Variants in RP1 observed in about 807,000 individuals in gnomAD.
The protein encoded by RP1 is oxygen-regulated protein 1.
RP1 carries 16 observed loss-of-function variants against 14.8 expected under a neutral mutation model. The observed-to-expected ratio is 1.08, with a 90% CI of 0.73 to 1.65. The LOEUF is 1.65. Among genes scored for constraint, RP1 ranks in the 40% most tolerant of loss-of-function variants. The pLI, the probability that RP1 is intolerant of heterozygous loss-of-function variation, is 0.00. For synonymous variants in RP1, 876 were observed against 883.6 expected, an observed-to-expected ratio of 0.99 and a Z score of 0.15; for missense variants, 2,631 against 2,535.0, an observed-to-expected ratio of 1.04 and a Z score of -0.81.
At chr8:54,663,561 T>G (rs569011276) in intron 6 of RP1, 4 of 729,392 alleles carry the variant, frequency 5.5e-6, no homozygotes, top group South Asian at 6.2e-5. Context: ...TATATAGAAT[T>G]TTTTACTGCC....
intron 27 of RP1, among the ~76,000 whole-genome samples, chr8:54,859,789 T>C (rs1326330137): frequency 6.6e-6 from 1 of 152,198 alleles, no homozygotes; most frequent in Non-Finnish European, 1.5e-5. Flanking sequence ...TGTGATTTCC[T>C]GCTTTTGCCC....
At chr8:54,776,978 G>A (rs748672107) in intron 23 of RP1, among the ~76,000 whole-genome samples, 3 of 152,150 alleles carry the variant, frequency 2.0e-5, no homozygotes, top group Admixed American at 6.5e-5. Flanking sequence ...GCTGCTCAGC[G>A]GCTGCTGAGT....
chr8:54,859,008 G>C (rs929363371), intron 27 of RP1, among the ~76,000 whole-genome samples: 2 of 151,970 alleles, frequency 1.3e-5, no homozygotes, highest in African/African-American at 4.8e-5. Context: ...ACTGTAGACT[G>C]GTGTCACTGT....
intron 24 of RP1, among the ~76,000 whole-genome samples, chr8:54,836,258 A>G (rs1811653712): frequency 1.3e-5 from 2 of 152,208 alleles, no homozygotes; most frequent in Admixed American, 1.3e-4. Context: ...ATGAAATATC[A>G]GAAGGCAGAT....
chr8:54,568,292 AG>A (rs1308038292), intron 1 of RP1, among the ~76,000 whole-genome samples: 1 of 152,222 alleles, frequency 6.6e-6, no homozygotes, highest in Non-Finnish European at 1.5e-5. Flanking sequence ...TAGGGAAAAA[AG>A]TCAGAATCTT....
intron 1 of RP1, among the ~76,000 whole-genome samples, chr8:54,591,693 T>C (rs1224120979): frequency 1.3e-5 from 2 of 152,050 alleles, no homozygotes; most frequent in East Asian, 1.9e-4. Flanking sequence ...TCACAATCCT[T>C]TGGGTGGGCC....
At position 54,626,497 on chromosome 8, in the gene RP1, G is replaced by A. The variant is rs444772; in HGVS notation, c.2615G>A (p.Arg872His). Residue 872 changes from arginine (R) to histidine (H), a missense_variant, in exon 4 of 4, where the codon CGT becomes CAT. By Grantham distance (29) the Arg-to-His change is conservative (BLOSUM62 0). Transcript: ENST00000220676. ...ATAACTTTAAAAAGCCAGAAAAAAC[G>A]TAAAGGGGATAAAGTGAAAGCAAGT... ...SHITLKSQKK[R>H]KGDKVKASAI... 0.27 allele frequency: 434,480 copies of A among 1,613,004 alleles called. 60,244 individuals are homozygous for A. Among genetic ancestry groups the A allele is most frequent in the East Asian group, 0.41 (18,213 of 44,760 alleles).
intron 1 of RP1, among the ~76,000 whole-genome samples, chr8:54,583,948 C>G (rs1423729688): frequency 6.6e-6 from 1 of 152,092 alleles, no homozygotes; most frequent in Admixed American, 6.5e-5. Context: ...TTTCAAAAAA[C>G]CAGCTCCTGG....
chr8:54,801,104 T>C (rs1263241649), intron 24 of RP1, among the ~76,000 whole-genome samples: 1 of 152,228 alleles, frequency 6.6e-6, no homozygotes, highest in Non-Finnish European at 1.5e-5. Flanking sequence ...CAGTGTAACT[T>C]CACGTTCCTT....
intron 20 of RP1, chr8:54,755,043 G>A: frequency 8.1e-7 from 1 of 1,233,992 alleles, no homozygotes; most frequent in Non-Finnish European, 1.1e-6. Flanking sequence ...CTGCTTCTAA[G>A]AGAGTTGTTT....
chr8:54,603,170 G>T (rs9693665), intron 1 of RP1, among the ~76,000 whole-genome samples: 1 of 152,026 alleles, frequency 6.6e-6, no homozygotes, highest in African/African-American at 2.4e-5. Context: ...TATGGTTTTA[G>T]GTCTAACATT....
At chr8:54,633,737 C>CTCTCTCTCTATATATA (rs1236298691), downstream of RP1, among the ~76,000 whole-genome samples, 5 of 118,804 alleles carry the variant, frequency 4.2e-5, no homozygotes, top group African/African-American at 1.6e-4. Flanking sequence ...CTCTCTCTCT[C>CTCTCTCTCTATATATA]TATATATATA....
intron 25 of RP1, among the ~76,000 whole-genome samples, chr8:54,844,414 A>C (rs116461776): frequency 0.01 from 1,524 of 152,290 alleles, 22 homozygotes; most frequent in African/African-American, 0.034. Context: ...TTAAGATGTA[A>C]GGTCTCATGG....
At chr8:54,673,259 G>T (rs1222994223) in intron 7 of RP1, among the ~76,000 whole-genome samples, 1 of 151,928 alleles carries the variant, frequency 6.6e-6, no homozygotes, top group African/African-American at 2.4e-5. Flanking sequence ...CTATACAAAG[G>T]TTATTTTTTC....
At chr8:54,840,235 TA>T (rs987159519) in intron 25 of RP1, among the ~76,000 whole-genome samples, 43 of 152,292 alleles carry the variant, frequency 2.8e-4, no homozygotes, top group Admixed American at 1.3e-4. Context: ...CTTAATTTGT[TA>T]TTTTTTTAAT....
In RP1 at chr8:54,834,230, A is replaced by G. The variant is rs117008705; in HGVS notation, c.3616-3220A>G. Among the ~76,000 whole-genome samples the G allele has an allele frequency of 5.5e-3, 831 of 152,202 alleles. 5 individuals are homozygous for G. Among genetic ancestry groups the G allele is most frequent in the Non-Finnish European group, 9.6e-3 (653 of 67,928 alleles). On this transcript the variant is annotated intron_variant, in intron 24 of 28. Coordinates refer to the RP1 transcript ENST00000637698. ...GAGCTAGTAGCTCCTAAATCTTCAG[A>G]GGCATCATAACTCTAGATAATCAAA...
intron 1 of RP1, among the ~76,000 whole-genome samples, chr8:54,607,679 C>A (rs547492815): frequency 6.6e-6 from 1 of 152,150 alleles, no homozygotes; most frequent in Admixed American, 6.5e-5. Context: ...CCTTGAGCTG[C>A]GGTGGGCTTC....
chr8:54,769,863 A>T, exon 23 of RP1: 3 of 1,139,198 alleles, frequency 2.6e-6, no homozygotes, highest in Non-Finnish European at 2.5e-6. Flanking sequence ...TCTGGACATC[A>T]TGGAACACTA....
At chr8:54,854,816 G>A (rs969467431) in intron 26 of RP1, among the ~76,000 whole-genome samples, 1 of 152,172 alleles carries the variant, frequency 6.6e-6, no homozygotes, top group African/African-American at 2.4e-5. Flanking sequence ...ATTGAGCCAA[G>A]ACAGCACCAT....
Sources: allele counts gnomAD v4.1 joint callset (sites outside exome capture counted in the v4.1 genomes callset), GRCh38; gene constraint gnomAD v4.1.1; transcripts MANE v1.5; gene names NCBI Gene and HGNC (gene_info 2026-07-23, HGNC 2026-07-21).